CNTNAP2: variants seen among roughly 807,000 people sequenced by gnomAD.
CNTNAP2 encodes the protein contactin-associated protein-like 2.
CNTNAP2 carries 98 observed loss-of-function variants against 155.2 expected under a neutral mutation model. The observed-to-expected ratio is 0.63, with a 90% CI of 0.54 to 0.75. The LOEUF (loss-of-function observed/expected upper bound fraction) is 0.75. CNTNAP2 is among the 30% of genes least tolerant of loss of function. The probability of loss-of-function intolerance (pLI) is 0.00; values close to 1 mark genes in which losing one functional copy is unlikely to be tolerated. For synonymous variants in CNTNAP2, 651 were observed against 631.2 expected, an observed-to-expected ratio of 1.03 and a Z score of -0.47; for missense variants, 1,727 against 1,688.1, an observed-to-expected ratio of 1.02 and a Z score of -0.40.
chr7:147,121,754 C>A (rs78671241), intron 6 of CNTNAP2: 1 of 152,206 alleles, frequency 6.6e-6, no homozygotes, highest in Non-Finnish European at 1.5e-5. Context: ...TCAATGATCA[C>A]GTTTATATAA....
intron 12 of CNTNAP2, among the ~76,000 whole-genome samples, chr7:147,618,661 TTATATATATAATAACAGCTATTA>T (rs1445217701): frequency 2.7e-5 from 4 of 148,488 alleles, no homozygotes; most frequent in East Asian, 1.9e-4. Flanking sequence ...ATAACAGCTA[TTATATATATAATAACAGCTATTA>T]TATATATATA....
At chr7:147,123,581 A>C (rs1801164123) in intron 6 of CNTNAP2, among the ~76,000 whole-genome samples, 1 of 152,258 alleles carries the variant, frequency 6.6e-6, no homozygotes, top group African/African-American at 2.4e-5. Context: ...TAACTGACAA[A>C]GAATCAGGGT....
intron 8 of CNTNAP2, among the ~76,000 whole-genome samples, chr7:147,231,547 A>C (rs1192423447): frequency 6.6e-6 from 1 of 152,158 alleles, no homozygotes; most frequent in Non-Finnish European, 1.5e-5. Flanking sequence ...TTACATTCCC[A>C]CTAACAGTGT....
intron 10 of CNTNAP2, among the ~76,000 whole-genome samples, chr7:147,431,064 A>AAGATAC (rs923228366): frequency 6.6e-6 from 1 of 151,734 alleles, no homozygotes; most frequent in Non-Finnish European, 1.5e-5. Flanking sequence ...AAAAAAAAAA[A>AAGATAC]AGATACATGG....
intron 15 of CNTNAP2, among the ~76,000 whole-genome samples, chr7:148,018,868 A>G (rs1315574641): frequency 6.6e-6 from 1 of 152,258 alleles, no homozygotes; most frequent in African/African-American, 2.4e-5. Context: ...GAACTCAAAC[A>G]TTGTGGGAAG....
chr7:147,781,950 G>A (rs2116556729), intron 13 of CNTNAP2, among the ~76,000 whole-genome samples: 1 of 151,804 alleles, frequency 6.6e-6, no homozygotes, highest in South Asian at 2.1e-4. Flanking sequence ...GTGAACCCAG[G>A]AGGCGAAGCT....
intron 11 of CNTNAP2, among the ~76,000 whole-genome samples, chr7:147,513,455 T>G (rs2116693553): frequency 6.6e-6 from 1 of 152,314 alleles, no homozygotes; most frequent in East Asian, 1.9e-4. Flanking sequence ...ATTTTTCTCA[T>G]CTAGAAAATA....
chr7:147,098,138 T>G (rs1800582798), intron 4 of CNTNAP2, among the ~76,000 whole-genome samples: 1 of 152,204 alleles, frequency 6.6e-6, no homozygotes, highest in Admixed American at 6.5e-5. Context: ...TCTCTCTGTT[T>G]CTGGGCCCTT....
chr7:148,150,205 G>T (rs1805271060), intron 17 of CNTNAP2, among the ~76,000 whole-genome samples: 1 of 150,898 alleles, frequency 6.6e-6, no homozygotes, highest in Non-Finnish European at 1.5e-5. Flanking sequence ...GAGTTCAGGA[G>T]TTCAAGACCA....
chr7:147,445,245 T>A (rs1162834825), intron 10 of CNTNAP2, among the ~76,000 whole-genome samples: 2 of 152,226 alleles, frequency 1.3e-5, no homozygotes, highest in Non-Finnish European at 2.9e-5. Context: ...TTAAAGTTAT[T>A]ATAACAGATG....
intron 4 of CNTNAP2, chr7:147,081,562 G>T (rs897465973): frequency 4.0e-5 from 6 of 150,930 alleles, no homozygotes; most frequent in Admixed American, 2.0e-4. Context: ...GACTACAGGC[G>T]CACCACCACA....
chr7:148,334,937 C>G (rs1029126767), intron 21 of CNTNAP2, among the ~76,000 whole-genome samples: 1 of 152,200 alleles, frequency 6.6e-6, no homozygotes, highest in Admixed American at 6.5e-5. Flanking sequence ...CTACCAATGA[C>G]TCTTTGTCCT....
At chr7:148,246,392 G>A (rs1796265072) in intron 20 of CNTNAP2, among the ~76,000 whole-genome samples, 1 of 152,144 alleles carries the variant, frequency 6.6e-6, no homozygotes, top group African/African-American at 2.4e-5. Flanking sequence ...CTGTTACAGT[G>A]CTGTGATTGC....
Position 147,937,191 on chromosome 7 carries a change from C to T in CNTNAP2, c.2255+33470C>T, listed in dbSNP as rs114445579. 5.0e-3 allele frequency among the ~76,000 whole-genome samples: 764 copies of T among 152,260 alleles called. 3 individuals carry two copies. Among genetic ancestry groups the T allele is most frequent in the African/African-American group, 0.017 (726 of 41,528 alleles). The stretch of plus-strand genomic sequence containing the variant: ...CTGGGTTGTGGGAAAAGTGAGAGGA[C>T]AGAACCAGATTGGTCAGTTTGTGAA... On this transcript the variant is annotated intron_variant, in intron 14 of 23. Transcript: ENST00000361727.
chr7:148,210,844 T>TA (rs1358161219), intron 18 of CNTNAP2, among the ~76,000 whole-genome samples: 4 of 152,088 alleles, frequency 2.6e-5, no homozygotes, highest in Admixed American at 6.5e-5. Flanking sequence ...ACAAACAGAA[T>TA]AAAAAATTCA....
intron 3 of CNTNAP2, among the ~76,000 whole-genome samples, chr7:146,906,220 G>T (rs2129215111): frequency 6.6e-6 from 1 of 152,172 alleles, no homozygotes; most frequent in South Asian, 2.1e-4. Flanking sequence ...CAGCGAGGCT[G>T]GGGGAGGGGC....
At chr7:148,308,574 TTTATTTA>T (rs1411900253) in intron 21 of CNTNAP2, among the ~76,000 whole-genome samples, 1 of 151,542 alleles carries the variant, frequency 6.6e-6, no homozygotes, top group East Asian at 1.9e-4. Flanking sequence ...TATTTATTTA[TTTATTTA>T]TTTATTTATT....
intron 1 of CNTNAP2, among the ~76,000 whole-genome samples, chr7:146,159,274 C>T (rs1241325816): frequency 2.0e-5 from 3 of 152,188 alleles, no homozygotes; most frequent in Admixed American, 6.5e-5. Context: ...CAGTACCAGC[C>T]ACTGCAAAAA....
chr7:147,125,836 A>G (rs1284167007), intron 6 of CNTNAP2, among the ~76,000 whole-genome samples: 1 of 152,222 alleles, frequency 6.6e-6, no homozygotes, highest in Admixed American at 6.5e-5. Flanking sequence ...GTGTGAGTTA[A>G]GATTACATAG....
Sources: allele counts gnomAD v4.1 joint callset (sites outside exome capture counted in the v4.1 genomes callset), GRCh38; gene constraint gnomAD v4.1.1; transcripts MANE v1.5; gene names NCBI Gene and HGNC (gene_info 2026-07-23, HGNC 2026-07-21).